DDR2: variants seen among roughly 807,000 people sequenced by gnomAD.
DDR2 encodes discoidin domain-containing receptor 2.
DDR2 carries 27 observed loss-of-function variants against 94.9 expected under a neutral mutation model. The observed-to-expected ratio is 0.28, with a 90% CI of 0.21 to 0.39. The LOEUF (loss-of-function observed/expected upper bound fraction) is 0.39. Among genes scored for constraint, DDR2 ranks in the 10% least tolerant of loss-of-function variants. DDR2 has a pLI of 1.00. For synonymous variants in DDR2, 382 were observed against 377.2 expected (o/e 1.01, Z -0.15); for missense variants, 783 against 1,076.0 (o/e 0.73, Z 3.81).
chr1:162,667,040 GTCTATCTA>G (rs10593700), intron 2 of DDR2, among the ~76,000 whole-genome samples: 1 of 151,110 alleles, frequency 6.6e-6, no homozygotes, highest in African/African-American at 2.4e-5. Flanking sequence ...ATTCATATAT[GTCTATCTA>G]TCTATCTATC....
At chr1:162,645,210 A>G (rs965225366) in intron 1 of DDR2, among the ~76,000 whole-genome samples, 2 of 152,208 alleles carry the variant, frequency 1.3e-5, no homozygotes, top group Middle Eastern at 3.2e-3. Context: ...ACAGCCCTGA[A>G]CAAACCTTTC....
chr1:162,721,388 CA>C (rs755750805), intron 3 of DDR2, among the ~76,000 whole-genome samples: 1 of 152,176 alleles, frequency 6.6e-6, no homozygotes, highest in Non-Finnish European at 1.5e-5. Flanking sequence ...TCTTGCTTTG[CA>C]AAGACCTTTA....
At chr1:162,778,496 G>T (rs1212788016) in intron 16 of DDR2, 84 bp from the exon 17 acceptor site, 1 of 1,545,130 alleles carries the variant, frequency 6.5e-7, no homozygotes, top group East Asian at 2.2e-5. Context: ...GGGGGAAGGG[G>T]TATAGCTGCA....
chr1:162,679,722 C>T (rs1432882362), intron 2 of DDR2, among the ~76,000 whole-genome samples: 1 of 152,052 alleles, frequency 6.6e-6, no homozygotes, highest in Non-Finnish European at 1.5e-5. Flanking sequence ...CACCACACTG[C>T]CTTCCACAAT....
chr1:162,721,828 GA>G (rs1661438122), intron 3 of DDR2, among the ~76,000 whole-genome samples: 1 of 152,174 alleles, frequency 6.6e-6, no homozygotes, highest in Non-Finnish European at 1.5e-5. Context: ...TTAAATTACT[GA>G]AACATTTTAG....
rs77338123 is a variant in DDR2 at position 162,647,551 on chromosome 1, A to G, written c.-191-7660A>G. Among the ~76,000 whole-genome samples the G allele has an allele frequency of 2.0e-3, 305 of 152,332 alleles. 5 individuals are homozygous for G. In the East Asian group the frequency reaches 0.044, roughly 22 times the overall value. On this transcript the variant is annotated intron_variant, in intron 1 of 17. Coordinates refer to ENST00000367921, the MANE Select transcript of DDR2 (RefSeq NM_006182.4). ...GCAGAGCAGTGGCATGAGCTGCTCA[A>G]TTGGGTATACTTGTAGTTATTTCTT... is the stretch of plus-strand genomic sequence containing the variant.
intron 2 of DDR2, among the ~76,000 whole-genome samples, chr1:162,705,740 C>G (rs1336204930): frequency 2.0e-5 from 3 of 152,200 alleles, no homozygotes; most frequent in East Asian, 3.9e-4. Context: ...GGGACTAGAA[C>G]TCAGGCCCAG....
intron 3 of DDR2, among the ~76,000 whole-genome samples, chr1:162,733,993 A>G (rs1027530376): frequency 2.0e-5 from 3 of 152,220 alleles, no homozygotes; most frequent in African/African-American, 7.2e-5. Flanking sequence ...CTATTTGATT[A>G]TGAAAAATCT....
chr1:162,727,019 T>A (rs1661704699), intron 3 of DDR2, among the ~76,000 whole-genome samples: 1 of 147,528 alleles, frequency 6.8e-6, no homozygotes, highest in Non-Finnish European at 1.5e-5. Context: ...ATGAAACAAA[T>A]ATAATATATA....
chr1:162,725,280 G>A (rs546876075), intron 3 of DDR2, among the ~76,000 whole-genome samples: 1 of 152,288 alleles, frequency 6.6e-6, no homozygotes, highest in South Asian at 2.1e-4. Flanking sequence ...ACCGGCATTC[G>A]ACTCTGCTCC....
At chr1:162,750,833 A>G (rs948454963) in intron 3 of DDR2, among the ~76,000 whole-genome samples, 1 of 152,192 alleles carries the variant, frequency 6.6e-6, no homozygotes, top group Non-Finnish European at 1.5e-5. Flanking sequence ...GCCCTCAGAA[A>G]TAATACCACA....
intron 11 of DDR2, among the ~76,000 whole-genome samples, chr1:162,767,709 A>G (rs894788166): frequency 6.6e-6 from 1 of 152,176 alleles, no homozygotes; most frequent in African/African-American, 2.4e-5. Flanking sequence ...CTTCTGATGC[A>G]CATTCGAGGT....
chr1:162,728,058 T>C (rs1661799466), intron 3 of DDR2, among the ~76,000 whole-genome samples: 1 of 138,982 alleles, frequency 7.2e-6, no homozygotes, highest in South Asian at 2.3e-4. Context: ...TATATAGATA[T>C]AATCACACTA....
In DDR2 at chr1:162,643,003, A is replaced by G. The variant is rs539493092; in HGVS notation, c.-192+10372A>G. Among the ~76,000 whole-genome samples, 10 of 152,286 alleles carry G rather than the reference A, an allele frequency of 6.6e-5. No individual in the cohort carries two copies. In the East Asian group the frequency reaches 1.9e-3, roughly 29 times the overall value. ...AGGATGTAAATTCTAGACCTATACA[A>G]TTCCTTCAAGGGCGGCTGAAAAGTT... On this transcript the variant is annotated intron_variant, in intron 1 of 17. Transcript: ENST00000367921.
rs997140386 is a variant in DDR2, at chr1:162,671,940, C to T, written c.-28+16566C>T. ...TTCCCATGATGTCTCTCATCTCTCC[C>T]TCCATTTGTTTGTCACTCTCAATGG... On this transcript the variant is annotated intron_variant, in intron 2 of 17. Coordinates refer to ENST00000367921, the MANE Select transcript of DDR2 (RefSeq NM_006182.4). 2.6e-5 allele frequency among the ~76,000 whole-genome samples: 4 copies of T among 152,206 alleles called. No homozygotes were observed. The East Asian group carries it at 7.7e-4, about 29-fold the overall frequency.
At position 162,755,665 on chromosome 1, in the gene DDR2, T is replaced by C; in HGVS notation, c.567T>C (p.Asp189=). The change falls in exon 7 of 18, where the codon GAT becomes GAC. Residue 189 remains aspartate, a splice_region_variant and synonymous_variant. Transcript: ENST00000367921. ...CACTTGGCTGTGTTTCCTTTGCAGA[T>C]GGCTTGGTGTCTTACAATGCTCCAG... The part of the protein sequence containing the change: ...RVELYGCVWL[D]GLVSYNAPAG... 2 of 1,614,122 alleles carry C rather than the reference T, an allele frequency of 1.2e-6. No individual in the cohort carries two copies. Among genetic ancestry groups the C allele is most frequent in the African/African-American group, 1.3e-5 (1 of 75,046 alleles).
chr1:162,752,882 G>A (rs1663281824), intron 3 of DDR2, among the ~76,000 whole-genome samples: 1 of 152,048 alleles, frequency 6.6e-6, no homozygotes, highest in Non-Finnish European at 1.5e-5. Flanking sequence ...TTGGCTGGGG[G>A]TCAAATCTCG....
chr1:162,754,034 T>C (rs1663339565), intron 4 of DDR2, among the ~76,000 whole-genome samples: 1 of 152,136 alleles, frequency 6.6e-6, no homozygotes, highest in Admixed American at 6.5e-5. Context: ...AAGTAAACTT[T>C]ATAATAATTT....
intron 2 of DDR2, among the ~76,000 whole-genome samples, chr1:162,658,180 A>G (rs1658100740): frequency 1.3e-5 from 2 of 152,108 alleles, no homozygotes; most frequent in Admixed American, 6.6e-5. Flanking sequence ...GTTTCTCGCA[A>G]GTCTCTGGTC....
Sources: gnomAD v4.1 joint callset for allele counts (sites outside exome capture counted in the v4.1 genomes callset) on GRCh38, gnomAD v4.1.1 for gene constraint, MANE v1.5 for transcripts, NCBI Gene and HGNC (gene_info 2026-07-23, HGNC 2026-07-21) for gene names.